The following SRPK1 variants were observed in gnomAD, a reference collection of about 807,000 sequenced individuals.
SRPK1 encodes SRSF protein kinase 1.
In SRPK1, 52 loss-of-function variants were observed where a neutral mutation model predicts 89.5. The observed-to-expected ratio is 0.58, with a 90% confidence interval of 0.46 to 0.73. The LOEUF is 0.73. SRPK1 is among the 30% of genes least tolerant of loss of function. The probability of loss-of-function intolerance (pLI) is 0.00; values close to 1 mark genes in which losing one functional copy is unlikely to be tolerated. For synonymous variants in SRPK1, 255 were observed against 270.2 expected (o/e 0.94, Z 0.55); for missense variants, 603 against 780.6 (o/e 0.77, Z 2.71).
At chr6:35,918,946 G>A (rs542853558) in intron 2 of SRPK1, among the ~76,000 whole-genome samples, 1 of 152,276 alleles carries the variant, frequency 6.6e-6, no homozygotes, top group East Asian at 1.9e-4. Context: ...GAGAGACCAG[G>A]ATTTCTAAAA....
chr6:35,895,590 C>T (rs1183501778), intron 2 of SRPK1: 1 of 152,172 alleles, frequency 6.6e-6, no homozygotes, highest in East Asian at 1.9e-4. Context: ...CTTTCACCTG[C>T]TCCTTTTTCT....
intron 12 of SRPK1, among the ~76,000 whole-genome samples, chr6:35,868,412 T>TA (rs1248506759): frequency 6.6e-6 from 1 of 152,218 alleles, no homozygotes; most frequent in Non-Finnish European, 1.5e-5. Flanking sequence ...AAAGCCCTTT[T>TA]AAAAATCACA....
At chr6:35,909,940 T>C (rs1210860845) in intron 2 of SRPK1, among the ~76,000 whole-genome samples, 3 of 152,164 alleles carry the variant, frequency 2.0e-5, no homozygotes, top group East Asian at 3.9e-4. Context: ...TCTCAGGTAA[T>C]ATTCTTTACA....
chr6:35,845,133 C>T (rs191038736), intron 13 of SRPK1, among the ~76,000 whole-genome samples: 46 of 152,008 alleles, frequency 3.0e-4, no homozygotes, highest in African/African-American at 8.9e-4. Context: ...GAGTGGGGGA[C>T]GGGAGGGATG....
At chr6:35,890,490 A>C (rs1770496343) in intron 3 of SRPK1, among the ~76,000 whole-genome samples, 2 of 152,240 alleles carry the variant, frequency 1.3e-5, no homozygotes, top group South Asian at 4.1e-4. Flanking sequence ...ACACCATTTA[A>C]GTGTCTGTCA....
intron 6 of SRPK1, among the ~76,000 whole-genome samples, chr6:35,878,183 T>G (rs1561982537): frequency 6.6e-6 from 1 of 152,162 alleles, no homozygotes. Context: ...TACCCCTAAG[T>G]GCTTAGATTC....
chr6:35,908,844 T>C (rs948064744), intron 2 of SRPK1, among the ~76,000 whole-genome samples: 2 of 152,212 alleles, frequency 1.3e-5, no homozygotes, highest in African/African-American at 2.4e-5. Context: ...GCTTGGGCCA[T>C]TGCTTCAGAG....
chr6:35,890,984 G>A lies in SRPK1; in HGVS notation c.104C>T (p.Pro35Leu). Residue 35 changes from proline to leucine, a missense_variant, in exon 3 of 16, where the codon CCC becomes CTC. Physicochemically the swap from Pro to Leu is moderately conservative, Grantham distance 98. Coordinates refer to ENST00000373825, the MANE Select transcript of SRPK1 (RefSeq NM_003137.5). Reference protein sequence around the residue: ...KSETQHRGSAPHSESDLPEQE... With the variant: ...KSETQHRGSALHSESDLPEQE... The stretch of plus-strand genomic sequence containing the variant: ...CTCTGGTAGATCACTCTCAGAGTGG[G>A]GAGCAGAGCCTCGGTGCTGAGTTTC... 6.4e-7 allele frequency: 1 copy of A among 1,552,986 alleles called. No individual in the cohort carries two copies. The highest frequency in any genetic ancestry group is 8.7e-7 in the Non-Finnish European group (1 of 1,147,422).
At position 35,888,067 on chromosome 6, in the gene SRPK1, T is replaced by C. The variant is rs1770446501; in HGVS notation, c.347A>G (p.His116Arg). Residue 116 changes from histidine to arginine, a missense_variant, in exon 5 of 16, where the codon CAT (histidine) becomes CGT (arginine). His to Arg is a conservative substitution (Grantham distance 29). Transcript: ENST00000373825. ...TTCATCTAGTGCTGTTTCAGTGTAA[T>C]GTTCAGCACTTTTAACTACTTTCAT... ...VAMKVVKSAE[H>R]YTETALDEIR... The C allele has an allele frequency of 6.2e-7, 1 of 1,608,000 alleles. No individual in the cohort carries two copies. Among genetic ancestry groups the C allele is most frequent in the South Asian group, 1.1e-5 (1 of 89,786 alleles).
intron 6 of SRPK1, among the ~76,000 whole-genome samples, chr6:35,880,331 TAGAA>T (rs1770244712): frequency 6.6e-6 from 1 of 151,466 alleles, no homozygotes; most frequent in African/African-American, 2.4e-5. Context: ...GTGTGAGGAA[TAGAA>T]AGAAAAAAGA....
At chr6:35,854,160 A>G (rs1420924515) in intron 13 of SRPK1, among the ~76,000 whole-genome samples, 1 of 152,128 alleles carries the variant, frequency 6.6e-6, no homozygotes, top group Non-Finnish European at 1.5e-5. Flanking sequence ...CATGTTGGCT[A>G]GGCTAGTCTC....
intron 2 of SRPK1, 59 bp downstream of exon 2, chr6:35,920,409 G>A (rs1401169285): frequency 6.3e-7 from 1 of 1,589,486 alleles, no homozygotes; most frequent in Admixed American, 1.7e-5. Flanking sequence ...CGTGAAACCA[G>A]AGCAGAGAAG....
chr6:35,868,668 G>A (rs1317452505), intron 12 of SRPK1, among the ~76,000 whole-genome samples: 1 of 152,128 alleles, frequency 6.6e-6, no homozygotes, highest in Non-Finnish European at 1.5e-5. Flanking sequence ...GAAAATGGGA[G>A]TAGGGGAGTA....
At chr6:35,867,006 C>G (rs1769919280) in intron 12 of SRPK1, among the ~76,000 whole-genome samples, 1 of 152,086 alleles carries the variant, frequency 6.6e-6, no homozygotes, top group Non-Finnish European at 1.5e-5. Context: ...AATGAAGACT[C>G]AGAGGGTGGG....
chr6:35,887,869 GTAAA>G (rs1234645673), intron 5 of SRPK1, 151 bp downstream of exon 5: 2 of 487,146 alleles, frequency 4.1e-6, no homozygotes, highest in African/African-American at 2.0e-5. Flanking sequence ...CATGGTATGT[GTAAA>G]TATTGTTGTC....
chr6:35,912,449 CG>C (rs1770990368), intron 2 of SRPK1, among the ~76,000 whole-genome samples: 1 of 152,126 alleles, frequency 6.6e-6, no homozygotes, highest in Non-Finnish European at 1.5e-5. Context: ...TTAGCAATAA[CG>C]TATTTTTAAA....
intron 2 of SRPK1, among the ~76,000 whole-genome samples, chr6:35,907,015 A>G (rs1770862955): frequency 6.6e-6 from 1 of 152,114 alleles, no homozygotes; most frequent in South Asian, 2.1e-4. Flanking sequence ...AAGAAATAGA[A>G]TATTACCATT....
At chr6:35,899,695 A>C (rs1463258923) in intron 2 of SRPK1, among the ~76,000 whole-genome samples, 1 of 152,186 alleles carries the variant, frequency 6.6e-6, no homozygotes, top group Non-Finnish European at 1.5e-5. Context: ...CCTACAGAAG[A>C]AATGCTTTAG....
At chr6:35,862,220 A>G (rs776134452) in intron 12 of SRPK1, among the ~76,000 whole-genome samples, 6 of 152,076 alleles carry the variant, frequency 3.9e-5, no homozygotes, top group Non-Finnish European at 5.9e-5. Flanking sequence ...AGACCCAAGA[A>G]TCACACCTCC....
Sources: allele counts gnomAD v4.1 joint callset (sites outside exome capture counted in the v4.1 genomes callset), GRCh38; gene constraint gnomAD v4.1.1; transcripts MANE v1.5; gene names NCBI Gene and HGNC (gene_info 2026-07-23, HGNC 2026-07-21).